LRMDA: variants seen among roughly 807,000 people sequenced by gnomAD.
LRMDA encodes leucine-rich melanocyte differentiation-associated protein.
A neutral mutation model predicts 29.8 loss-of-function variants in LRMDA; 18 were observed. That is an observed-to-expected ratio of 0.60 (90% CI 0.42 to 0.90). The LOEUF is 0.90. Ranked by LOEUF, LRMDA falls within the 40% of genes least tolerant of loss-of-function variation. The pLI is 0.00. For missense variants in LRMDA, 273 were observed against 273.9 expected, an observed-to-expected ratio of 1.00 and a Z score of 0.02; for synonymous variants, 125 against 109.4, an observed-to-expected ratio of 1.14 and a Z score of -0.89.
intron 2 of LRMDA, among the ~76,000 whole-genome samples, chr10:75,461,432 T>C (rs553306390): frequency 6.6e-6 from 1 of 152,300 alleles, no homozygotes; most frequent in East Asian, 1.9e-4. Context: ...CTAGGTTTCA[T>C]GGCCTACTTA....
chr10:76,496,354 G>A lies in LRMDA; in HGVS notation c.602-60855G>A, dbSNP rs1222906817. 2.6e-5 allele frequency among the ~76,000 whole-genome samples: 2 copies of A among 75,800 alleles called. 1 individual carries two copies. The highest frequency in any genetic ancestry group is 5.0e-4 in the East Asian group (2 of 3,968). 49.7% of individuals were successfully genotyped at this position (75,800 alleles called of 152,430 possible). A position where few individuals can be genotyped will look rare whatever the true frequency, so the allele number is the denominator to read the frequency against. On this transcript the variant is annotated intron_variant, in intron 6 of 6. Coordinates refer to ENST00000611255, the MANE Select transcript of LRMDA (RefSeq NM_001305581.2). ...CTTTTTTGATACAGCTCTATCTGCT[G>A]CAGTAATCTGCCTATTGAGATCTAG... is the stretch of plus-strand genomic sequence containing the variant.
chr10:75,835,366 CA>C (rs1248972125), intron 2 of LRMDA, among the ~76,000 whole-genome samples: 1 of 152,212 alleles, frequency 6.6e-6, no homozygotes, highest in Non-Finnish European at 1.5e-5. Context: ...ACTCCTCCTG[CA>C]TCCTTCTTAT....
chr10:75,779,973 T>C (rs576833722), intron 2 of LRMDA, among the ~76,000 whole-genome samples: 48 of 152,092 alleles, frequency 3.2e-4, no homozygotes, highest in African/African-American at 3.9e-4. Flanking sequence ...ACTGGTGACT[T>C]TGTAAGAGAA....
intron 5 of LRMDA, 147 bp from the exon 6 acceptor site, chr10:76,324,254 C>T (rs1840806055): frequency 2.7e-6 from 2 of 747,852 alleles, no homozygotes; most frequent in South Asian, 3.3e-5. Flanking sequence ...ATTATCTCAA[C>T]AAAAACAGCT....
chr10:76,035,065 G>A (rs1035882255), intron 2 of LRMDA, among the ~76,000 whole-genome samples: 3 of 150,910 alleles, frequency 2.0e-5, no homozygotes, highest in South Asian at 4.2e-4. Context: ...TCAGCGATGT[G>A]TATAAGCAAG....
chr10:75,573,995 T>G (rs111275986), intron 2 of LRMDA, among the ~76,000 whole-genome samples: 1 of 152,100 alleles, frequency 6.6e-6, no homozygotes, highest in Admixed American at 6.5e-5. Context: ...CTTTTTTTTT[T>G]TCTGCCCAGA....
intron 6 of LRMDA, among the ~76,000 whole-genome samples, chr10:76,473,118 T>C (rs1393321737): frequency 1.3e-5 from 2 of 151,522 alleles, no homozygotes; most frequent in Admixed American, 1.3e-4. Context: ...TAACAAATTA[T>C]TAGCACATCC....
intron 2 of LRMDA, among the ~76,000 whole-genome samples, chr10:75,831,131 C>T (rs1019574847): frequency 9.2e-5 from 14 of 151,934 alleles, no homozygotes; most frequent in East Asian, 5.8e-4. Context: ...CTGCAAGCTC[C>T]GCCTCCTGGG....
chr10:76,176,199 G>A lies in LRMDA; in HGVS notation c.516+117416G>A, dbSNP rs902575054. 2.0e-5 allele frequency among the ~76,000 whole-genome samples: 3 copies of A among 152,166 alleles called. No individual in the cohort carries two copies. The South Asian group carries it at 6.2e-4, about 32-fold the overall frequency. On this transcript the variant is annotated intron_variant, in intron 5 of 6. Transcript: ENST00000611255. Reference sequence around the variant, plus strand: ...GGTGTATGGGCTTCTTCTAAAGCAGGCAGCTCACATGACACTTTTCAACAC... The same window carrying A: ...GGTGTATGGGCTTCTTCTAAAGCAGACAGCTCACATGACACTTTTCAACAC...
intron 2 of LRMDA, among the ~76,000 whole-genome samples, chr10:75,610,824 A>C (rs1841020507): frequency 6.6e-6 from 1 of 152,210 alleles, no homozygotes; most frequent in Non-Finnish European, 1.5e-5. Context: ...TTACATTGTG[A>C]GCTTTCATAG....
chr10:75,844,334 A>G (rs952707641), intron 2 of LRMDA, among the ~76,000 whole-genome samples: 3 of 152,090 alleles, frequency 2.0e-5, no homozygotes, highest in African/African-American at 7.2e-5. Flanking sequence ...GGCGAGAACT[A>G]TTATGTTAAA....
chr10:76,350,860 A>G (rs1488101877), intron 6 of LRMDA, among the ~76,000 whole-genome samples: 5 of 152,160 alleles, frequency 3.3e-5, no homozygotes, highest in African/African-American at 7.2e-5. Flanking sequence ...CTCTCTGTCC[A>G]TTCCGAGTAT....
At chr10:75,730,446 C>G (rs535099978) in intron 2 of LRMDA, among the ~76,000 whole-genome samples, 1 of 152,308 alleles carries the variant, frequency 6.6e-6, no homozygotes, top group Non-Finnish European at 1.5e-5. Context: ...CTATTCTGGG[C>G]AGGGTGCTCT....
chr10:75,692,219 A>AAAAATAT (rs1353540469), intron 2 of LRMDA, among the ~76,000 whole-genome samples: 2 of 87,546 alleles, frequency 2.3e-5, no homozygotes, highest in African/African-American at 1.1e-4. Flanking sequence ...AAAAAAAAAA[A>AAAAATAT]ATATATATAT....
intron 2 of LRMDA, among the ~76,000 whole-genome samples, chr10:75,896,540 C>A (rs1845585455): frequency 2.0e-5 from 3 of 152,130 alleles, no homozygotes; most frequent in African/African-American, 7.2e-5. Context: ...TGGTGTTGCC[C>A]TTGCTGAATC....
intron 2 of LRMDA, among the ~76,000 whole-genome samples, chr10:75,757,260 C>T (rs1843043304): frequency 6.6e-6 from 1 of 152,180 alleles, no homozygotes; most frequent in Admixed American, 6.5e-5. Context: ...CTCAGGTTCT[C>T]TGCTGGGTGC....
chr10:76,378,015 G>A (rs1254282329), intron 6 of LRMDA, among the ~76,000 whole-genome samples: 1 of 151,880 alleles, frequency 6.6e-6, no homozygotes, highest in Non-Finnish European at 1.5e-5. Context: ...TTAATCCATG[G>A]GCATGGGATG....
At chr10:76,310,610 C>T (rs1216153192) in intron 5 of LRMDA, among the ~76,000 whole-genome samples, 1 of 152,138 alleles carries the variant, frequency 6.6e-6, no homozygotes, top group Admixed American at 6.5e-5. Context: ...TGCAGGCTTT[C>T]CCCTCACAGC....
chr10:76,547,456 C>T (rs1216104084), intron 6 of LRMDA, among the ~76,000 whole-genome samples: 1 of 152,136 alleles, frequency 6.6e-6, no homozygotes, highest in Non-Finnish European at 1.5e-5. Flanking sequence ...ACCAAAAGCA[C>T]AGTGTGGCTA....
Sources: allele counts gnomAD v4.1 joint callset (sites outside exome capture counted in the v4.1 genomes callset), GRCh38; gene constraint gnomAD v4.1.1; transcripts MANE v1.5; gene names NCBI Gene and HGNC (gene_info 2026-07-23, HGNC 2026-07-21).